The following PCDHA7 variants were observed in gnomAD, a reference collection of about 807,000 sequenced individuals.
The protein encoded by PCDHA7 is protocadherin alpha-7.
A neutral mutation model predicts 57.2 loss-of-function variants in PCDHA7; 37 were observed. That is an observed-to-expected ratio of 0.65 (90% CI 0.50 to 0.85). PCDHA7 has a LOEUF of 0.85. Ranked by LOEUF, PCDHA7 falls within the 40% of genes least tolerant of loss-of-function variation. PCDHA7 has a pLI of 0.00. For missense variants in PCDHA7, 1,188 were observed against 1,241.8 expected (o/e 0.96, Z 0.65); for synonymous variants, 553 against 558.8 (o/e 0.99, Z 0.15).
intron 1 of PCDHA7, among the ~76,000 whole-genome samples, chr5:140,977,031 G>A (rs1554238180): frequency 6.6e-6 from 1 of 152,192 alleles, no homozygotes; most frequent in Admixed American, 6.5e-5. Context: ...ATGAATCTAA[G>A]AAGGATGTTG....
intron 1 of PCDHA7, chr5:140,869,081 T>C: frequency 6.3e-7 from 1 of 1,581,722 alleles, no homozygotes; most frequent in Non-Finnish European, 8.6e-7. Flanking sequence ...AGAAGCTTAT[T>C]TTGGAAGCCA....
chr5:140,985,060 C>T (rs1377386395), intron 3 of PCDHA7, among the ~76,000 whole-genome samples: 2 of 152,066 alleles, frequency 1.3e-5, no homozygotes, highest in Admixed American at 6.5e-5. Flanking sequence ...GCCTCAGCCT[C>T]CTGAGTAGCT....
At chr5:140,978,740 A>G (rs2096821027) in intron 1 of PCDHA7, among the ~76,000 whole-genome samples, 1 of 152,254 alleles carries the variant, frequency 6.6e-6, no homozygotes, top group Non-Finnish European at 1.5e-5. Flanking sequence ...CTTCCAGGGT[A>G]TCTAATCTGT....
chr5:140,962,369 AT>A (rs1181838799), intron 1 of PCDHA7, among the ~76,000 whole-genome samples: 1 of 152,154 alleles, frequency 6.6e-6, no homozygotes, highest in Admixed American at 6.5e-5. Flanking sequence ...GGCTAGTTTG[AT>A]TTTATCTGTT....
chr5:140,965,401 A>G (rs546046699), intron 1 of PCDHA7, among the ~76,000 whole-genome samples: 2 of 152,284 alleles, frequency 1.3e-5, no homozygotes, highest in African/African-American at 4.8e-5. Flanking sequence ...AAGTCTAAGG[A>G]GTCTTATATT....
intron 3 of PCDHA7, among the ~76,000 whole-genome samples, chr5:141,002,222 G>A (rs1278350490): frequency 2.0e-5 from 3 of 152,212 alleles, no homozygotes; most frequent in Non-Finnish European, 4.4e-5. Context: ...AAAATGATGG[G>A]TTTTCTGGAA....
chr5:140,883,771 G>A (rs782418376), intron 1 of PCDHA7: 11 of 1,612,346 alleles, frequency 6.8e-6, no homozygotes, highest in African/African-American at 1.3e-5. Context: ...GGGTGGGCGA[G>A]CGTGCGCTGT....
At chr5:140,959,607 C>T (rs2095500489) in intron 1 of PCDHA7, among the ~76,000 whole-genome samples, 1 of 151,986 alleles carries the variant, frequency 6.6e-6, no homozygotes, top group African/African-American at 2.4e-5. Flanking sequence ...ACATGCTTTT[C>T]TTGCTTGTGA....
chr5:140,936,941 T>C (rs547536853), intron 1 of PCDHA7, among the ~76,000 whole-genome samples: 14 of 152,342 alleles, frequency 9.2e-5, no homozygotes, highest in Non-Finnish European at 1.3e-4. Flanking sequence ...GAAAATATCT[T>C]ATTTTGATCT....
intron 1 of PCDHA7, among the ~76,000 whole-genome samples, chr5:140,925,189 C>T (rs1488098385): frequency 1.3e-5 from 2 of 152,116 alleles, no homozygotes; most frequent in Non-Finnish European, 1.5e-5. Context: ...TACCATCACC[C>T]AGCTTCAATA....
chr5:140,838,613 A>T (rs1460772587), intron 1 of PCDHA7, among the ~76,000 whole-genome samples: 2 of 152,032 alleles, frequency 1.3e-5, no homozygotes, highest in African/African-American at 4.8e-5. Context: ...ACTTTTAAAA[A>T]TTTTTTACAA....
At chr5:140,863,871 C>T (rs2048215005) in intron 1 of PCDHA7, 1 of 171,736 alleles carries the variant, frequency 5.8e-6, no homozygotes, top group East Asian at 1.5e-4. Context: ...TGTGGTGGTG[C>T]GCACCTGTAA....
At chr5:140,926,708 C>T in intron 1 of PCDHA7, 2 of 896,260 alleles carry the variant, frequency 2.2e-6, no homozygotes, top group Non-Finnish European at 3.1e-6. Flanking sequence ...CCCAGCTGGC[C>T]AGCCCCGGCA....
intron 1 of PCDHA7, chr5:140,866,368 T>C (rs1172516799): frequency 6.6e-6 from 1 of 152,138 alleles, no homozygotes; most frequent in Non-Finnish European, 1.5e-5. Flanking sequence ...TATTGCATAC[T>C]TCAATAACAA....
At chr5:140,884,504 G>C in intron 1 of PCDHA7, 2 of 1,614,180 alleles carry the variant, frequency 1.2e-6, no homozygotes, top group South Asian at 2.2e-5. Flanking sequence ...CAGCGCGGCA[G>C]GGAGTTGGTC....
At chr5:140,856,381 G>T in intron 1 of PCDHA7, 2 of 1,598,516 alleles carry the variant, frequency 1.3e-6, no homozygotes, top group South Asian at 1.1e-5. Context: ...TCGTGGACAG[G>T]CCGCTGCAGG....
At chr5:140,952,125 AG>A (rs1234128402) in intron 1 of PCDHA7, among the ~76,000 whole-genome samples, 1 of 152,092 alleles carries the variant, frequency 6.6e-6, no homozygotes, top group Non-Finnish European at 1.5e-5. Context: ...TGGGCTCCCA[AG>A]GCCTTGGGAA....
At chr5:140,896,501 T>G (rs1279439158) in intron 1 of PCDHA7, among the ~76,000 whole-genome samples, 4 of 152,048 alleles carry the variant, frequency 2.6e-5, no homozygotes, top group Non-Finnish European at 4.4e-5. Flanking sequence ...TAGCTGGGAC[T>G]GTGCAGGCAC....
intron 1 of PCDHA7, among the ~76,000 whole-genome samples, chr5:140,886,842 A>AAG (rs2061180057): frequency 6.6e-6 from 1 of 151,638 alleles, no homozygotes; most frequent in African/African-American, 2.4e-5. Context: ...AAAAAAAAAA[A>AAG]AAAAAGAAAG....
Sources: gnomAD v4.1 joint callset for allele counts (sites outside exome capture counted in the v4.1 genomes callset) on GRCh38, gnomAD v4.1.1 for gene constraint, MANE v1.5 for transcripts, NCBI Gene and HGNC (gene_info 2026-07-23, HGNC 2026-07-21) for gene names.